The following OSBPL10 variants were observed in gnomAD, a reference collection of about 807,000 sequenced individuals.
OSBPL10 encodes the protein oxysterol-binding protein-related protein 10.
A neutral mutation model predicts 81.7 loss-of-function variants in OSBPL10; 49 were observed. The observed-to-expected ratio is 0.60, with a 90% CI of 0.48 to 0.76. The LOEUF (loss-of-function observed/expected upper bound fraction) is 0.76. Among genes scored for constraint, OSBPL10 ranks in the 30% least tolerant of loss-of-function variants. OSBPL10 has a pLI of 0.00. For missense variants in OSBPL10, 923 were observed against 987.8 expected (o/e 0.93, Z 0.88); for synonymous variants, 419 against 383.6 (o/e 1.09, Z -1.08).
rs753954620 is a variant in OSBPL10, at chr3:31,668,697, G to T, written c.2041C>A (p.Pro681Thr). The T allele has an allele frequency of 6.2e-7, 1 of 1,614,102 alleles. No homozygotes were observed. The highest frequency in any genetic ancestry group is 2.2e-5 in the East Asian group (1 of 44,890). Residue 681 changes from proline to threonine, a missense_variant, in exon 10 of 12, where the codon CCA becomes ACA. By Grantham distance (38) the Pro-to-Thr change is conservative. Transcript: ENST00000396556. ...GGTCTGATCTTCTTGGGATACACTG[G>T]CAGTGTGGTTGTGTCGATGACTTTG... ...ETKVIDTTTL[P>T]VYPKKIRPLE... is the part of the protein sequence containing the mutation.
chr3:31,824,204 G>A (rs1405303790), intron 4 of OSBPL10, among the ~76,000 whole-genome samples: 1 of 152,060 alleles, frequency 6.6e-6, no homozygotes, highest in African/African-American at 2.4e-5. Context: ...GAAAGCAGTT[G>A]GGCCTGAAGA....
In OSBPL10 at chr3:31,668,707, T is replaced by C; in HGVS notation, c.2031A>G (p.Thr677=). The change falls in exon 10 of 12, where the codon ACA becomes ACG. Residue 677 remains threonine, a synonymous_variant. Transcript: ENST00000396556. ...YNNGETKVID[T]TTLPVYPKKI... is the part of the protein sequence containing the mutation. ...TCTTGGGATACACTGGCAGTGTGGT[T>C]GTGTCGATGACTTTGGTTTCTCCAT... The C allele has an allele frequency of 6.2e-7, 1 of 1,614,202 alleles. No homozygotes were observed. Among genetic ancestry groups the C allele is most frequent in the Non-Finnish European group, 8.5e-7 (1 of 1,180,032 alleles).
rs547525738 is a variant in OSBPL10 at position 32,021,145 on chromosome 3, C to A, written n.298+25346G>T. Among the ~76,000 whole-genome samples, 62 of 152,266 alleles carry A rather than the reference C, an allele frequency of 4.1e-4. No individual in the cohort carries two copies. The Middle Eastern group carries it at 0.01, about 25-fold the overall frequency. On this transcript the variant is annotated intron_variant and non_coding_transcript_variant, in intron 2 of 3. Transcript: ENST00000479173. The stretch of plus-strand genomic sequence containing the variant: ...ATTACCTCTTTAAAAGCCCTGTGTC[C>A]AAGTATAATCACATTCTGAGGTGTA...
At chr3:31,792,651 CTGTG>C (rs1385119004) in intron 4 of OSBPL10, among the ~76,000 whole-genome samples, 7 of 150,370 alleles carry the variant, frequency 4.7e-5, no homozygotes, top group African/African-American at 1.2e-4. Context: ...TCCAGACACA[CTGTG>C]TGTGTGTGGT....
At chr3:31,946,825 T>C (rs892721543) in intron 1 of OSBPL10, among the ~76,000 whole-genome samples, 4 of 151,484 alleles carry the variant, frequency 2.6e-5, no homozygotes, top group African/African-American at 9.7e-5. Context: ...TTTAGAAAAG[T>C]TACCATGGAG....
At chr3:31,893,726 C>T (rs1254472548) in intron 1 of OSBPL10, among the ~76,000 whole-genome samples, 1 of 152,132 alleles carries the variant, frequency 6.6e-6, no homozygotes, top group Non-Finnish European at 1.5e-5. Flanking sequence ...ACCTCAAAAA[C>T]ATTATGCTAA....
chr3:32,034,440 C>CA (rs1699499960), intron 2 of OSBPL10, among the ~76,000 whole-genome samples: 1 of 28,620 alleles, frequency 3.5e-5, no homozygotes, highest in Admixed American at 6.4e-4. Context: ...GACCCTGTAG[C>CA]GGAAAAAAAA....
At chr3:32,027,134 C>T (rs537226122) in intron 2 of OSBPL10, among the ~76,000 whole-genome samples, 2 of 152,098 alleles carry the variant, frequency 1.3e-5, no homozygotes, top group South Asian at 4.1e-4. Context: ...CACCCATCAA[C>T]CCATCATCTA....
chr3:31,742,285 G>T (rs1697375616), intron 5 of OSBPL10, among the ~76,000 whole-genome samples: 1 of 152,224 alleles, frequency 6.6e-6, no homozygotes, highest in Non-Finnish European at 1.5e-5. Context: ...AGCCAGAAGA[G>T]CCAAGGGTCC....
At chr3:31,912,439 C>CG (rs1220161612) in intron 1 of OSBPL10, among the ~76,000 whole-genome samples, 2 of 151,056 alleles carry the variant, frequency 1.3e-5, no homozygotes, top group African/African-American at 2.4e-5. Context: ...GTCACGGGGT[C>CG]GGGGGGCGGA....
chr3:31,878,561 C>A (rs930857267), intron 2 of OSBPL10, among the ~76,000 whole-genome samples: 1 of 152,128 alleles, frequency 6.6e-6, no homozygotes, highest in African/African-American at 2.4e-5. Flanking sequence ...TATTCCATCT[C>A]TTGGGTAGTG....
intron 5 of OSBPL10, among the ~76,000 whole-genome samples, chr3:31,744,947 A>C (rs796189290): frequency 1.1e-4 from 16 of 152,352 alleles, no homozygotes; most frequent in African/African-American, 3.8e-4. Flanking sequence ...AATATAGGGC[A>C]AAAGAGACCA....
chr3:31,674,511 GGTCAC>G (rs1362731785), intron 8 of OSBPL10, among the ~76,000 whole-genome samples: 1 of 150,024 alleles, frequency 6.7e-6, no homozygotes, highest in Non-Finnish European at 1.5e-5. Flanking sequence ...AGTGAGCCAT[GGTCAC>G]GTCACTGCAC....
At chr3:31,791,646 G>GTTTTTT (rs1037732510) in intron 4 of OSBPL10, among the ~76,000 whole-genome samples, 1 of 147,396 alleles carries the variant, frequency 6.8e-6, no homozygotes, top group Non-Finnish European at 1.5e-5. Flanking sequence ...AGAGGTTTTT[G>GTTTTTT]TTTTTTTTTT....
chr3:31,738,679 T>C (rs1229349424), intron 5 of OSBPL10, among the ~76,000 whole-genome samples: 1 of 152,142 alleles, frequency 6.6e-6, no homozygotes, highest in African/African-American at 2.4e-5. Flanking sequence ...ACTTGACAGA[T>C]GAAGAAACAA....
At chr3:32,030,464 A>ATGTGCGTAT (rs1699457240) in intron 2 of OSBPL10, 1 of 692,994 alleles carries the variant, frequency 1.4e-6, no homozygotes, top group Non-Finnish European at 2.7e-6. Flanking sequence ...AAGAGAATTA[A>ATGTGCGTAT]TGTGCGTATT....
At chr3:31,882,713 A>C (rs1461452837) in intron 1 of OSBPL10, among the ~76,000 whole-genome samples, 1 of 152,160 alleles carries the variant, frequency 6.6e-6, no homozygotes, top group Non-Finnish European at 1.5e-5. Flanking sequence ...AACCTACAGC[A>C]CAACTTGGGA....
At chr3:31,692,624 A>C (rs1274241159) in intron 7 of OSBPL10, among the ~76,000 whole-genome samples, 1 of 152,248 alleles carries the variant, frequency 6.6e-6, no homozygotes, top group East Asian at 1.9e-4. Flanking sequence ...TGCTGTAAGA[A>C]TATATGAAAT....
At chr3:31,903,864 G>A (rs1023343214) in intron 1 of OSBPL10, among the ~76,000 whole-genome samples, 26 of 152,116 alleles carry the variant, frequency 1.7e-4, no homozygotes, top group African/African-American at 5.6e-4. Flanking sequence ...ACGGGGTTGC[G>A]GGGATGGGAG....
Sources: gnomAD v4.1 joint callset for allele counts (sites outside exome capture counted in the v4.1 genomes callset) on GRCh38, gnomAD v4.1.1 for gene constraint, MANE v1.5 for transcripts, NCBI Gene and HGNC (gene_info 2026-07-23, HGNC 2026-07-21) for gene names.